CEP89: variants seen among roughly 807,000 people sequenced by gnomAD.
The protein encoded by CEP89 is centrosomal protein of 89 kDa.
A neutral mutation model predicts 97.6 loss-of-function variants in CEP89; 95 were observed. That is an observed-to-expected ratio of 0.97 (90% CI 0.82 to 1.15). CEP89 has a LOEUF of 1.15. CEP89 is among the 50% of genes most tolerant of loss of function. CEP89 has a pLI of 0.00. For synonymous variants in CEP89, 354 were observed against 349.1 expected, an observed-to-expected ratio of 1.01 and a Z score of -0.16; for missense variants, 869 against 947.7, an observed-to-expected ratio of 0.92 and a Z score of 1.09.
At chr19:32,889,092 G>A (rs1469940349) in intron 16 of CEP89, among the ~76,000 whole-genome samples, 1 of 152,212 alleles carries the variant, frequency 6.6e-6, no homozygotes, top group Admixed American at 6.5e-5. Context: ...GCTCTCACGA[G>A]CTCCTGGAGA....
chr19:32,902,318 T>C (rs1156509201), intron 14 of CEP89, among the ~76,000 whole-genome samples: 1 of 152,158 alleles, frequency 6.6e-6, no homozygotes, highest in African/African-American at 2.4e-5. Flanking sequence ...CACAACAATA[T>C]ATGATTTTAA....
chr19:32,882,441 T>C (rs543860803), intron 17 of CEP89, among the ~76,000 whole-genome samples: 1 of 151,860 alleles, frequency 6.6e-6, no homozygotes, highest in Admixed American at 6.6e-5. Flanking sequence ...TGCATGCCTG[T>C]AGTCCCAGCT....
intron 16 of CEP89, among the ~76,000 whole-genome samples, chr19:32,897,773 G>A (rs1969674455): frequency 6.6e-6 from 1 of 152,132 alleles, no homozygotes; most frequent in South Asian, 2.1e-4. Context: ...TCTTGCCCAT[G>A]CTGGTCTCAA....
intron 17 of CEP89, among the ~76,000 whole-genome samples, chr19:32,886,111 C>A (rs952133433): frequency 2.0e-5 from 3 of 152,212 alleles, no homozygotes; most frequent in African/African-American, 7.2e-5. Context: ...AGTCCTGTCT[C>A]TCCAGCTATC....
intron 14 of CEP89, among the ~76,000 whole-genome samples, chr19:32,901,968 C>T (rs1464242729): frequency 7.4e-6 from 1 of 135,354 alleles, no homozygotes; most frequent in Non-Finnish European, 1.7e-5. Flanking sequence ...TTTTCTCCCA[C>T]AGTTTTGGCT....
chr19:32,897,855 C>A (rs1022460258), intron 16 of CEP89, among the ~76,000 whole-genome samples: 1 of 152,172 alleles, frequency 6.6e-6, no homozygotes, highest in African/African-American at 2.4e-5. Flanking sequence ...AGCCACCATG[C>A]CTGGCCTGAA....
At chr19:32,894,128 G>A (rs1476251095) in intron 16 of CEP89, among the ~76,000 whole-genome samples, 1 of 152,146 alleles carries the variant, frequency 6.6e-6, no homozygotes, top group Non-Finnish European at 1.5e-5. Context: ...GATGTTCAAG[G>A]TTAGCCTGGG....
intron 5 of CEP89, among the ~76,000 whole-genome samples, chr19:32,947,394 C>G (rs1970819103): frequency 6.6e-6 from 1 of 151,664 alleles, no homozygotes; most frequent in Non-Finnish European, 1.5e-5. Context: ...TTGCTTAAAC[C>G]CAGGAGTTCA....
intron 15 of CEP89, among the ~76,000 whole-genome samples, chr19:32,900,209 TA>T (rs1409809184): frequency 6.6e-6 from 1 of 151,520 alleles, no homozygotes; most frequent in African/African-American, 2.4e-5. Flanking sequence ...CTCAAGTGAA[TA>T]AGAGGAGTTG....
chr19:32,948,005 CTG>C (rs1473679646), intron 5 of CEP89, among the ~76,000 whole-genome samples: 2 of 152,132 alleles, frequency 1.3e-5, no homozygotes, highest in African/African-American at 4.8e-5. Context: ...CGATGTCTCC[CTG>C]TGTTGCCCAG....
At chr19:32,950,831 A>G (rs982615233) in intron 4 of CEP89, among the ~76,000 whole-genome samples, 5 of 152,188 alleles carry the variant, frequency 3.3e-5, no homozygotes, top group Admixed American at 6.5e-5. Context: ...TGTACAGTAA[A>G]ATATACAGCA....
intron 1 of CEP89, chr19:32,970,020 A>C (rs1432768225): frequency 6.6e-6 from 1 of 152,316 alleles, no homozygotes; most frequent in Non-Finnish European, 1.5e-5. Context: ...CAAGGACCCA[A>C]ATTCATTTCT....
Position 32,923,487 on chromosome 19 carries a change from T to C in CEP89, c.1220A>G (p.Glu407Gly). 3 of 1,611,064 alleles carry C rather than the reference T, an allele frequency of 1.9e-6. No homozygotes were observed. The highest frequency in any genetic ancestry group is 2.5e-6 in the Non-Finnish European group (3 of 1,177,428). Reference sequence around the variant, plus strand: ...ACTCTTATTTAACTCTTGGTGCAATTCTTCATTTTCTTTCACCACTTCTTG... The same window carrying C: ...ACTCTTATTTAACTCTTGGTGCAATCCTTCATTTTCTTTCACCACTTCTTG... ...RVQEVVKENE[E>G]LHQELNKSSA... Residue 407 changes from glutamate to glycine, a missense_variant, in exon 12 of 19, where the codon GAA becomes GGA. Transcript: ENST00000305768.
At chr19:32,929,087 C>T (rs976482372) in intron 9 of CEP89, among the ~76,000 whole-genome samples, 3 of 152,120 alleles carry the variant, frequency 2.0e-5, no homozygotes, top group African/African-American at 7.2e-5. Flanking sequence ...ACAATGTGAA[C>T]ACCTTAATAT....
At chr19:32,971,376 C>T in intron 1 of CEP89, 2 of 426,286 alleles carry the variant, frequency 4.7e-6, no homozygotes, top group Admixed American at 3.9e-5. Context: ...TGTGGCCGAC[C>T]CTGGGGCAGA....
At chr19:32,947,112 G>A (rs563040994) in intron 5 of CEP89, among the ~76,000 whole-genome samples, 1 of 152,232 alleles carries the variant, frequency 6.6e-6, no homozygotes, top group Non-Finnish European at 1.5e-5. Context: ...CCCTGAGCCC[G>A]AGCAACTCTA....
chr19:32,954,244 C>T (rs1377574259), intron 3 of CEP89, among the ~76,000 whole-genome samples: 1 of 152,104 alleles, frequency 6.6e-6, no homozygotes, highest in African/African-American at 2.4e-5. Flanking sequence ...TACACAGAAG[C>T]TAAAAGATTA....
intron 4 of CEP89, among the ~76,000 whole-genome samples, chr19:32,952,559 C>T (rs1292016613): frequency 6.6e-6 from 1 of 151,664 alleles, no homozygotes; most frequent in African/African-American, 2.4e-5. Context: ...CTTAATGCTG[C>T]TGGTCTATAT....
At chr19:32,885,383 C>T (rs925320420) in intron 17 of CEP89, among the ~76,000 whole-genome samples, 2 of 152,194 alleles carry the variant, frequency 1.3e-5, no homozygotes, top group African/African-American at 2.4e-5. Flanking sequence ...TGCAGAGGCA[C>T]GAACATAGCT....
Sources: allele counts gnomAD v4.1 joint callset (sites outside exome capture counted in the v4.1 genomes callset), GRCh38; gene constraint gnomAD v4.1.1; transcripts MANE v1.5; gene names NCBI Gene and HGNC (gene_info 2026-07-23, HGNC 2026-07-21).